Variants in RBKS observed in about 807,000 individuals in gnomAD.
RBKS encodes the protein ribokinase.
Under a neutral mutation model 33.9 loss-of-function variants are expected in RBKS, and 33 were observed. The observed-to-expected ratio is 0.97, with a 90% CI of 0.74 to 1.30. The LOEUF (loss-of-function observed/expected upper bound fraction) is 1.30, where lower values mean the gene tolerates loss of function less well. Ranked by LOEUF, RBKS falls within the 50% of genes most tolerant of loss-of-function variation. RBKS has a pLI of 0.00. For synonymous variants in RBKS, 125 were observed against 143.0 expected (o/e 0.87, Z 0.90); for missense variants, 361 against 392.6 (o/e 0.92, Z 0.68).
intron 7 of RBKS, among the ~76,000 whole-genome samples, chr2:27,819,330 C>A (rs537642995): frequency 6.6e-6 from 1 of 152,090 alleles, no homozygotes; most frequent in South Asian, 2.1e-4. Context: ...TCTCTCCCAT[C>A]GAACCAGGAC....
chr2:27,890,149 G>A lies in RBKS; in HGVS notation c.89+108C>T. On this transcript the variant is annotated intron_variant, in intron 1 of 7. Transcript: ENST00000302188. This position sits in a 1 kb window ranked among gnomAD's most constrained non-coding sequence, Gnocchi z 4.8. ...AACCTGCAGCTCATACCCAAAGCTA[G>A]CACTGTCTATCCCTGGAGACCCAGC... 1.0e-6 allele frequency: 1 copy of A among 973,682 alleles called. No individual in the cohort carries two copies. The allele number at this position is 973,682 out of a possible 1,614,324, so 60.3% of individuals were successfully genotyped here. A position where few individuals can be genotyped will look rare whatever the true frequency, so the allele number is the denominator to read the frequency against.
intron 4 of RBKS, 137 bp from the exon 5 acceptor site, chr2:27,843,368 G>T: frequency 3.4e-6 from 2 of 580,276 alleles, no homozygotes; most frequent in South Asian, 3.9e-5. Flanking sequence ...AGCATTTCTA[G>T]GTTATTCAGC....
In RBKS at chr2:27,874,880, C is replaced by G. The variant is rs1448503148; in HGVS notation, c.89+15377G>C. Among the ~76,000 whole-genome samples the G allele has an allele frequency of 2.0e-5, 3 of 152,310 alleles. No homozygotes were observed. The East Asian group carries it at 5.8e-4, about 29-fold the overall frequency. On this transcript the variant is annotated intron_variant, in intron 1 of 7. Transcript: ENST00000302188. ...ATCCATATTTCCACAATATTTTATG[C>G]TAGCCAGAGTCTTAAAATTCTCCTT... is the stretch of plus-strand genomic sequence containing the variant.
At chr2:27,806,094 C>T (rs763511813) in intron 7 of RBKS, among the ~76,000 whole-genome samples, 77 of 151,812 alleles carry the variant, frequency 5.1e-4, no homozygotes, top group Admixed American at 1.4e-3. Flanking sequence ...ACGTTGCCCA[C>T]GCTGGTCTCA....
In RBKS at chr2:27,855,582, G is replaced by A. The variant is rs1226854856; in HGVS notation, c.222+2857C>T. On this transcript the variant is annotated intron_variant, in intron 2 of 7. Transcript: ENST00000302188. ...CCTAATAGGCTCTTTGCCCTGGGAG[G>A]AAGACTTTCATTTTATACAATATCT... 3.3e-5 allele frequency among the ~76,000 whole-genome samples: 5 copies of A among 152,200 alleles called. No individual in the cohort carries two copies. The East Asian group carries it at 9.6e-4, about 29-fold the overall frequency.
At chr2:27,863,069 A>C (rs1664021434) in intron 1 of RBKS, among the ~76,000 whole-genome samples, 1 of 152,244 alleles carries the variant, frequency 6.6e-6, no homozygotes, top group Admixed American at 6.5e-5. Context: ...TTAAAAAGAA[A>C]AGGAAACAGT....
chr2:27,848,038 AG>A lies in RBKS; in HGVS notation c.281del (p.Ser94LeufsTer18), dbSNP rs142879777. Reference sequence around the variant, plus strand: ...TAAAAAAGGTGGGAATTTTACCTGTAGAAATATCATTCTGTTTTAAGTTTTC... The same window carrying A: ...TAAAAAAGGTGGGAATTTTACCTGTAAAATATCATTCTGTTTTAAGTTTTC... ...YIENLKQNDI[S>X]TEFTYQTKDA... On this transcript the variant is annotated frameshift_variant, in exon 3 of 8. Coordinates refer to ENST00000302188, the MANE Select transcript of RBKS (RefSeq NM_022128.3). LOFTEE classifies it high-confidence loss of function. The A allele has an allele frequency of 4.3e-4, 635 of 1,469,090 alleles. No homozygotes were observed. Among genetic ancestry groups the A allele is most frequent in the Non-Finnish European group, 5.6e-4 (591 of 1,061,520 alleles). The allele number at this position is 1,469,090 out of a possible 1,614,324, so 91.0% of individuals were successfully genotyped here.
At chr2:27,791,401 TG>T (rs1463060168) in intron 7 of RBKS, among the ~76,000 whole-genome samples, 1 of 152,092 alleles carries the variant, frequency 6.6e-6, no homozygotes. Context: ...GTTGAGGGCG[TG>T]GATGGAACTA....
At chr2:27,831,363 T>C (rs1678410847) in intron 6 of RBKS, among the ~76,000 whole-genome samples, 1 of 152,118 alleles carries the variant, frequency 6.6e-6, no homozygotes, top group Non-Finnish European at 1.5e-5. Flanking sequence ...TGATGAACAT[T>C]TGAGGAATAA....
At chr2:27,868,782 T>C (rs891658434) in intron 1 of RBKS, among the ~76,000 whole-genome samples, 1 of 152,220 alleles carries the variant, frequency 6.6e-6, no homozygotes, top group Non-Finnish European at 1.5e-5. Context: ...GCCTGAAAGT[T>C]CTTTCCTTTG....
intron 7 of RBKS, among the ~76,000 whole-genome samples, chr2:27,803,112 G>A (rs1474346126): frequency 6.6e-6 from 1 of 152,066 alleles, no homozygotes; most frequent in Non-Finnish European, 1.5e-5. Flanking sequence ...TTACAAGCAC[G>A]TGCCACTGTA....
Position 27,843,182 on chromosome 2 carries a change from C to T in RBKS, c.399G>A (p.Thr133=), listed in dbSNP as rs895055596. The change falls in exon 5 of 8, where the codon ACG becomes ACA. Residue 133 remains threonine, a synonymous_variant. Transcript: ENST00000302188. ...IVAGANLLLN[T]EDLRAAANVI... ...CATTGGCTGCTGCCCTCAGATCCTC[C>T]GTATTCAAAAGTAAATTTGCTCCAG... is the stretch of plus-strand genomic sequence containing the variant. 13 of 1,612,106 alleles carry T rather than the reference C, an allele frequency of 8.1e-6. No individual in the cohort carries two copies. The highest frequency in any genetic ancestry group is 5.5e-5 in the South Asian group (5 of 90,712).
chr2:27,827,097 T>C (rs1678326568), intron 7 of RBKS, among the ~76,000 whole-genome samples: 1 of 152,270 alleles, frequency 6.6e-6, no homozygotes, highest in Admixed American at 6.5e-5. Context: ...TGATCTCTGC[T>C]AACCAGTGCT....
chr2:27,874,499 C>T (rs1664275456), intron 1 of RBKS, among the ~76,000 whole-genome samples: 1 of 152,200 alleles, frequency 6.6e-6, no homozygotes, highest in Admixed American at 6.5e-5. Context: ...TCATGTGACA[C>T]AACACGTCGT....
chr2:27,878,430 T>C (rs1430999298), intron 1 of RBKS, among the ~76,000 whole-genome samples: 2 of 152,042 alleles, frequency 1.3e-5, no homozygotes, highest in African/African-American at 2.4e-5. Flanking sequence ...CAGTCTATCA[T>C]TGTTGGACAT....
chr2:27,869,498 C>T (rs1403930734), intron 1 of RBKS, among the ~76,000 whole-genome samples: 1 of 152,190 alleles, frequency 6.6e-6, no homozygotes, highest in African/African-American at 2.4e-5. Flanking sequence ...AAAAGTGTGA[C>T]TTACCTGTGC....
intron 2 of RBKS, among the ~76,000 whole-genome samples, chr2:27,854,813 T>C (rs1663823711): frequency 6.6e-6 from 1 of 151,818 alleles, no homozygotes; most frequent in Non-Finnish European, 1.5e-5. Context: ...AAACCCTGCA[T>C]ATATTTAATG....
chr2:27,857,313 A>G (rs1000139319), intron 2 of RBKS, among the ~76,000 whole-genome samples: 40 of 152,308 alleles, frequency 2.6e-4, no homozygotes, highest in African/African-American at 9.4e-4. Flanking sequence ...ACAATCATCT[A>G]CCTTTCCTGT....
chr2:27,796,272 A>G (rs761316254), intron 7 of RBKS, among the ~76,000 whole-genome samples: 4 of 152,270 alleles, frequency 2.6e-5, no homozygotes, highest in Non-Finnish European at 4.4e-5. Context: ...GCTGTATTGT[A>G]TCACTGTGAT....
Sources: gnomAD v4.1 joint callset for allele counts (sites outside exome capture counted in the v4.1 genomes callset) on GRCh38, gnomAD v4.1.1 for gene constraint, Gnocchi (gnomAD v3.1) non-coding constraint, MANE v1.5 for transcripts, NCBI Gene and HGNC (gene_info 2026-07-23, HGNC 2026-07-21) for gene names.